The following ROBO2 variants were observed in gnomAD, a reference collection of about 807,000 sequenced individuals.
The protein encoded by ROBO2 is roundabout homolog 2.
Under a neutral mutation model 160.8 loss-of-function variants are expected in ROBO2, and 53 were observed. The ratio of observed to expected loss-of-function variants is 0.33; its 90% CI spans 0.26 to 0.41. The LOEUF is 0.41. ROBO2 is among the 10% of genes least tolerant of loss of function. The probability of loss-of-function intolerance (pLI) is 1.00; values close to 1 mark genes in which losing one functional copy is unlikely to be tolerated. For missense variants in ROBO2, 1,577 were observed against 1,722.4 expected (o/e 0.92, Z 1.49); for synonymous variants, 664 against 611.7 (o/e 1.09, Z -1.26).
chr3:76,779,929 G>A (rs1407595284), intron 2 of ROBO2, among the ~76,000 whole-genome samples: 1 of 150,828 alleles, frequency 6.6e-6, no homozygotes, highest in African/African-American at 2.4e-5. Flanking sequence ...TGAGATTGTT[G>A]GATCATATTG....
chr3:76,361,245 G>A (rs3849477), intron 2 of ROBO2, among the ~76,000 whole-genome samples: 2 of 151,792 alleles, frequency 1.3e-5, no homozygotes, highest in African/African-American at 4.9e-5. Flanking sequence ...TCAAGCCTCT[G>A]GCTTGAGCAA....
chr3:77,425,486 T>C (rs1029878554), intron 2 of ROBO2, among the ~76,000 whole-genome samples: 2 of 152,052 alleles, frequency 1.3e-5, no homozygotes, highest in Non-Finnish European at 2.9e-5. Flanking sequence ...AAGTCACCCA[T>C]ACTCCATAAA....
chr3:76,600,028 G>C (rs1360216596), intron 2 of ROBO2, among the ~76,000 whole-genome samples: 2 of 152,082 alleles, frequency 1.3e-5, no homozygotes, highest in Non-Finnish European at 2.9e-5. Context: ...CCTTTGCTGT[G>C]CAGATGAACT....
chr3:77,463,787 C>T (rs955678964), intron 2 of ROBO2, among the ~76,000 whole-genome samples: 2 of 152,036 alleles, frequency 1.3e-5, no homozygotes, highest in African/African-American at 2.4e-5. Context: ...CACCATGTTG[C>T]CCAAAATGGT....
chr3:76,875,232 A>C (rs2072575905), intron 2 of ROBO2, among the ~76,000 whole-genome samples: 1 of 152,166 alleles, frequency 6.6e-6, no homozygotes, highest in Admixed American at 6.5e-5. Flanking sequence ...AGCAACACTC[A>C]CCAGAAAACC....
intron 2 of ROBO2, among the ~76,000 whole-genome samples, chr3:77,420,268 TAAATC>T (rs1451008526): frequency 6.8e-6 from 1 of 147,570 alleles, no homozygotes. Flanking sequence ...TTTTTTTTTT[TAAATC>T]AAATAAATAT....
chr3:76,215,085 A>T (rs970048314), intron 2 of ROBO2, among the ~76,000 whole-genome samples: 2 of 152,178 alleles, frequency 1.3e-5, no homozygotes, highest in Non-Finnish European at 2.9e-5. Flanking sequence ...ACTCCAACAG[A>T]CCTGCAGCTG....
chr3:76,318,857 A>G (rs1034491242), intron 2 of ROBO2, among the ~76,000 whole-genome samples: 12 of 151,968 alleles, frequency 7.9e-5, no homozygotes, highest in Admixed American at 5.9e-4. Flanking sequence ...TTAAAATTTC[A>G]AAAAAAAGAA....
chr3:76,906,099 G>T (rs1225281910), intron 2 of ROBO2, among the ~76,000 whole-genome samples: 2 of 152,062 alleles, frequency 1.3e-5, no homozygotes, highest in African/African-American at 2.4e-5. Flanking sequence ...ATGGACAATT[G>T]ATTATTGTGG....
chr3:76,677,958 C>CTGTTTTTT (rs2092454046), intron 2 of ROBO2, among the ~76,000 whole-genome samples: 1 of 29,396 alleles, frequency 3.4e-5, no homozygotes, highest in Non-Finnish European at 6.6e-5. Context: ...AGAAAATATG[C>CTGTTTTTT]TTTTTTTTTT....
chr3:76,790,789 T>G (rs1213409351), intron 2 of ROBO2, among the ~76,000 whole-genome samples: 1 of 151,824 alleles, frequency 6.6e-6, no homozygotes, highest in Non-Finnish European at 1.5e-5. Context: ...TACCTATACC[T>G]TTAAAATAAA....
intron 2 of ROBO2, among the ~76,000 whole-genome samples, chr3:76,220,163 A>G (rs1389735607): frequency 1.7e-5 from 2 of 117,258 alleles, no homozygotes; most frequent in Non-Finnish European, 3.3e-5. Context: ...AACATCACAC[A>G]CTGGGGCCTG....
At chr3:76,103,196 G>A (rs559114812) in intron 2 of ROBO2, among the ~76,000 whole-genome samples, 4 of 152,274 alleles carry the variant, frequency 2.6e-5, no homozygotes, top group Admixed American at 1.3e-4. Context: ...GGAGAAAGTC[G>A]AGGTAATGAA....
chr3:76,084,106 C>G (rs1360195768), intron 2 of ROBO2, among the ~76,000 whole-genome samples: 1 of 152,050 alleles, frequency 6.6e-6, no homozygotes, highest in Non-Finnish European at 1.5e-5. Context: ...CTTTTGTGCT[C>G]TTTCGTGAGG....
intron 1 of ROBO2, among the ~76,000 whole-genome samples, chr3:75,915,127 ATGT>A (rs1946757614): frequency 6.6e-6 from 1 of 152,204 alleles, no homozygotes; most frequent in South Asian, 2.1e-4. Context: ...ATGATAAATG[ATGT>A]TGTTACTATT....
intron 2 of ROBO2, among the ~76,000 whole-genome samples, chr3:76,287,551 C>T (rs1465617241): frequency 6.6e-6 from 1 of 152,114 alleles, no homozygotes; most frequent in African/African-American, 2.4e-5. Context: ...CCACCCACCT[C>T]AGTCTCCCAA....
intron 2 of ROBO2, among the ~76,000 whole-genome samples, chr3:76,667,830 A>T (rs910456191): frequency 2.0e-5 from 3 of 152,146 alleles, no homozygotes; most frequent in Non-Finnish European, 4.4e-5. Context: ...AAGATTACAT[A>T]AAAACGACTG....
rs2060895181 is a variant in ROBO2, at chr3:76,755,133, T to A, written c.110-342881T>A. Reference sequence around the variant, plus strand: ...GACTGTGTGTCTTTTTCTTTTATACTCAGATTATTGATTAAATGAATTTTC... The same window carrying A: ...GACTGTGTGTCTTTTTCTTTTATACACAGATTATTGATTAAATGAATTTTC... On this transcript the variant is annotated intron_variant, in intron 2 of 26. Coordinates refer to the ROBO2 transcript ENST00000487694. Among the ~76,000 whole-genome samples the A allele has an allele frequency of 2.0e-5, 3 of 151,998 alleles. No individual in the cohort carries two copies. In the South Asian group the frequency reaches 6.2e-4, roughly 32 times the overall value.
intron 2 of ROBO2, among the ~76,000 whole-genome samples, chr3:77,326,641 C>G (rs1212766802): frequency 6.6e-6 from 1 of 152,080 alleles, no homozygotes; most frequent in Non-Finnish European, 1.5e-5. Flanking sequence ...TTTTTTCAAA[C>G]AAATCACAAA....
Sources: gnomAD v4.1 joint callset for allele counts (sites outside exome capture counted in the v4.1 genomes callset) on GRCh38, gnomAD v4.1.1 for gene constraint, MANE v1.5 for transcripts, NCBI Gene and HGNC (gene_info 2026-07-23, HGNC 2026-07-21) for gene names.